KCTD16: variants seen among roughly 807,000 people sequenced by gnomAD.
The protein encoded by KCTD16 is potassium channel tetramerization domain containing 16.
KCTD16 carries 13 observed loss-of-function variants against 33.2 expected under a neutral mutation model. The ratio of observed to expected loss-of-function variants is 0.39; its 90% CI spans 0.25 to 0.62. The LOEUF (loss-of-function observed/expected upper bound fraction) is 0.62, where lower values mean the gene tolerates loss of function less well. Ranked by LOEUF, KCTD16 falls within the 20% of genes least tolerant of loss-of-function variation. The pLI, the probability that KCTD16 is intolerant of heterozygous loss-of-function variation, is 0.50. For missense variants in KCTD16, 441 were observed against 525.1 expected (o/e 0.84, Z 1.57); for synonymous variants, 197 against 195.3 (o/e 1.01, Z -0.07).
intron 3 of KCTD16, among the ~76,000 whole-genome samples, chr5:144,222,130 A>AG (rs1410404513): frequency 6.6e-6 from 1 of 151,910 alleles, no homozygotes; most frequent in Non-Finnish European, 1.5e-5. Flanking sequence ...TTTCTTGTGA[A>AG]TTTTTTAAAG....
intron 2 of KCTD16, among the ~76,000 whole-genome samples, chr5:144,203,562 T>C (rs761605759): frequency 7.2e-5 from 11 of 152,160 alleles, no homozygotes; most frequent in African/African-American, 1.2e-4. Flanking sequence ...TAATTTTCAT[T>C]CCTCAAGTCC....
At chr5:144,464,689 ACTC>A (rs953595334) in intron 3 of KCTD16, among the ~76,000 whole-genome samples, 8 of 149,866 alleles carry the variant, frequency 5.3e-5, no homozygotes, top group African/African-American at 1.7e-4. Context: ...TCCTCCTCTT[ACTC>A]CTCTTCTTCC....
At chr5:144,321,099 C>T (rs914788029) in intron 3 of KCTD16, among the ~76,000 whole-genome samples, 1 of 152,154 alleles carries the variant, frequency 6.6e-6, no homozygotes, top group Non-Finnish European at 1.5e-5. Context: ...AAGTGATCCA[C>T]CCATCTCGGC....
intron 3 of KCTD16, among the ~76,000 whole-genome samples, chr5:144,344,215 G>A (rs1752722308): frequency 6.6e-6 from 1 of 151,984 alleles, no homozygotes; most frequent in South Asian, 2.1e-4. Context: ...AATTCAAGAT[G>A]GATTAAAGAC....
At chr5:144,351,703 C>T (rs1454944981) in intron 3 of KCTD16, among the ~76,000 whole-genome samples, 1 of 152,102 alleles carries the variant, frequency 6.6e-6, no homozygotes, top group African/African-American at 2.4e-5. Flanking sequence ...TGTATATACA[C>T]AATGGAGTAC....
At chr5:144,336,338 A>G (rs1561571747) in intron 3 of KCTD16, among the ~76,000 whole-genome samples, 1 of 152,186 alleles carries the variant, frequency 6.6e-6, no homozygotes, top group African/African-American at 2.4e-5. Context: ...CCAGTCCACA[A>G]TTGTGCACAA....
intron 3 of KCTD16, among the ~76,000 whole-genome samples, chr5:144,336,111 G>A (rs1275207526): frequency 6.6e-6 from 1 of 152,204 alleles, no homozygotes; most frequent in Non-Finnish European, 1.5e-5. Context: ...CAGAAGCCAG[G>A]CAGACAGGCT....
At chr5:144,268,224 T>A (rs973685385) in intron 3 of KCTD16, among the ~76,000 whole-genome samples, 35 of 152,046 alleles carry the variant, frequency 2.3e-4, no homozygotes, top group South Asian at 2.3e-3. Context: ...GAAAAAAAAA[T>A]ACTCTATCCT....
At chr5:144,338,902 A>G (rs1369574116) in intron 3 of KCTD16, among the ~76,000 whole-genome samples, 1 of 152,210 alleles carries the variant, frequency 6.6e-6, no homozygotes, top group Non-Finnish European at 1.5e-5. Context: ...GAAAAGGGGC[A>G]TTTGGAAAGC....
In KCTD16 at chr5:144,439,962, AC is replaced by A. The variant is rs1423869641; in HGVS notation, c.833-33697del. On this transcript the variant is annotated intron_variant, in intron 3 of 3. Coordinates refer to ENST00000512467, the MANE Select transcript of KCTD16 (RefSeq NM_020768.4). The stretch of plus-strand genomic sequence containing the variant: ...GTTTTCATAATCTAAAAAAAAAAAA[AC>A]ATATTTAAAAAAGCCCACTAACAAC... Among the ~76,000 whole-genome samples the A allele has an allele frequency of 3.8e-3, 576 of 151,618 alleles. 2 individuals carry two copies. The highest frequency in any genetic ancestry group is 0.015 in the South Asian group (71 of 4,802).
intron 3 of KCTD16, among the ~76,000 whole-genome samples, chr5:144,319,092 T>C (rs1271541082): frequency 6.6e-6 from 1 of 152,028 alleles, no homozygotes; most frequent in Non-Finnish European, 1.5e-5. Flanking sequence ...AAGTGCTTAA[T>C]ATAAATTTAT....
intron 3 of KCTD16, among the ~76,000 whole-genome samples, chr5:144,308,216 T>C (rs937211569): frequency 2.0e-5 from 3 of 152,236 alleles, no homozygotes; most frequent in Non-Finnish European, 2.9e-5. Flanking sequence ...TGACCCTTTC[T>C]TTCTGTCATA....
At chr5:144,328,876 T>TTTA (rs397783091) in intron 3 of KCTD16, among the ~76,000 whole-genome samples, 1 of 151,862 alleles carries the variant, frequency 6.6e-6, no homozygotes, top group Non-Finnish European at 1.5e-5. Context: ...TTTTTTTTTT[T>TTTA]ATCAGCATCT....
At chr5:144,324,247 T>C (rs1752147903) in intron 3 of KCTD16, among the ~76,000 whole-genome samples, 1 of 152,164 alleles carries the variant, frequency 6.6e-6, no homozygotes, top group Non-Finnish European at 1.5e-5. Context: ...TGAGAGTCAA[T>C]GTGCATGTTT....
At chr5:144,250,362 A>G (rs961755753) in intron 3 of KCTD16, among the ~76,000 whole-genome samples, 1 of 152,188 alleles carries the variant, frequency 6.6e-6, no homozygotes, top group Non-Finnish European at 1.5e-5. Flanking sequence ...AAAATAATGC[A>G]CACTTTAACA....
intron 3 of KCTD16, among the ~76,000 whole-genome samples, chr5:144,455,143 C>T (rs1468405742): frequency 6.6e-6 from 1 of 151,878 alleles, no homozygotes; most frequent in Non-Finnish European, 1.5e-5. Flanking sequence ...TCAGGACAGG[C>T]CTTTTCTCCT....
intron 3 of KCTD16, among the ~76,000 whole-genome samples, chr5:144,299,044 CTATATATATATATA>C (rs10589565): frequency 2.8e-5 from 1 of 35,960 alleles, no homozygotes; most frequent in Non-Finnish European, 5.6e-5. Flanking sequence ...AAACAGATCA[CTATATATATATATA>C]TATATATATA....
chr5:144,369,170 C>T (rs1421060118), intron 3 of KCTD16, among the ~76,000 whole-genome samples: 1 of 152,148 alleles, frequency 6.6e-6, no homozygotes, highest in African/African-American at 2.4e-5. Context: ...CCGATTTAGC[C>T]TCAGTCAGCC....
At chr5:144,406,390 G>A (rs1249494862) in intron 3 of KCTD16, among the ~76,000 whole-genome samples, 2 of 152,252 alleles carry the variant, frequency 1.3e-5, no homozygotes, top group Non-Finnish European at 2.9e-5. Flanking sequence ...GTCCTTAAAG[G>A]TCAGAGAGTT....
Sources: gnomAD v4.1 joint callset for allele counts (sites outside exome capture counted in the v4.1 genomes callset) on GRCh38, gnomAD v4.1.1 for gene constraint, MANE v1.5 for transcripts, NCBI Gene and HGNC (gene_info 2026-07-23, HGNC 2026-07-21) for gene names.